The following PKNOX2 variants were observed in gnomAD, a reference collection of about 807,000 sequenced individuals.
PKNOX2 encodes the protein PBX/knotted 1 homeobox 2.
PKNOX2 carries 14 observed loss-of-function variants against 53.1 expected under a neutral mutation model. The ratio of observed to expected loss-of-function variants is 0.26; its 90% confidence interval spans 0.17 to 0.41. The LOEUF (loss-of-function observed/expected upper bound fraction) is 0.41. Among genes scored for constraint, PKNOX2 ranks in the 10% least tolerant of loss-of-function variants. The pLI is 1.00. For synonymous variants in PKNOX2, 257 were observed against 242.8 expected (o/e 1.06, Z -0.54); for missense variants, 496 against 602.8 (o/e 0.82, Z 1.85).
chr11:125,432,993 G>T lies in PKNOX2; in HGVS notation c.*1601G>T, dbSNP rs1162403151. On this transcript the variant is annotated 3_prime_UTR_variant, in exon 13 of 13. Transcript: ENST00000298282. The stretch of plus-strand genomic sequence containing the variant: ...AATGTATTTCTCCCCCAAAAGAGCT[G>T]ATATTTAATGTTTTAATAAGGATTT... 1.3e-5 allele frequency: 2 copies of T among 152,634 alleles called. No individual in the cohort carries two copies. The highest frequency in any genetic ancestry group is 4.8e-5 in the African/African-American group (2 of 41,440). 9.5% of individuals were successfully genotyped at this position (152,634 alleles called of 1,614,324 possible).
chr11:125,172,189 C>T (rs898291987), intron 1 of PKNOX2, among the ~76,000 whole-genome samples: 4 of 152,182 alleles, frequency 2.6e-5, no homozygotes, highest in African/African-American at 9.7e-5. Flanking sequence ...CTCTACCTAT[C>T]CCAGGTGGCC....
chr11:125,384,190 G>T (rs1953456445), intron 5 of PKNOX2, among the ~76,000 whole-genome samples: 1 of 152,190 alleles, frequency 6.6e-6, no homozygotes, highest in Non-Finnish European at 1.5e-5. Flanking sequence ...TACTTTTTGA[G>T]ATCCGCATAC....
Position 125,232,898 on chromosome 11 carries a change from C to T in PKNOX2, c.-200-2147C>T, listed in dbSNP as rs575353712. Among the ~76,000 whole-genome samples the T allele has an allele frequency of 2.7e-5, 4 of 148,658 alleles. No individual in the cohort carries two copies. The East Asian group carries it at 7.9e-4, about 29-fold the overall frequency. ...TTTGTTTTTGTTTTGTTTTGTTTTG[C>T]AATACTTTTTTTAATGTAAGAGTGG... On this transcript the variant is annotated intron_variant, in intron 1 of 12. Coordinates refer to ENST00000298282, the MANE Select transcript of PKNOX2 (RefSeq NM_001382323.2).
intron 1 of PKNOX2, among the ~76,000 whole-genome samples, chr11:125,180,218 A>G (rs1215787615): frequency 6.6e-6 from 1 of 152,106 alleles, no homozygotes; most frequent in African/African-American, 2.4e-5. Context: ...CTCATTTCCC[A>G]TCTAAAATGA....
chr11:125,340,505 G>A (rs537848178), intron 3 of PKNOX2, among the ~76,000 whole-genome samples: 25 of 152,280 alleles, frequency 1.6e-4, no homozygotes, highest in Middle Eastern at 3.4e-3. Flanking sequence ...GCTCACCCAC[G>A]AATGGGAACA....
chr11:125,392,738 T>C (rs976989658), intron 6 of PKNOX2, among the ~76,000 whole-genome samples: 7 of 149,964 alleles, frequency 4.7e-5, no homozygotes, highest in South Asian at 2.1e-4. Flanking sequence ...CTTTTCTCTG[T>C]GTATGTGTGA....
intron 1 of PKNOX2, among the ~76,000 whole-genome samples, chr11:125,170,366 C>A (rs544429592): frequency 6.6e-6 from 1 of 152,280 alleles, no homozygotes; most frequent in South Asian, 2.1e-4. Context: ...TCCTTCTCAG[C>A]CAATCACAGG....
At position 125,343,202 on chromosome 11, in the gene PKNOX2, G is replaced by A. The variant is rs551512585; in HGVS notation, c.-22-8082G>A. 4.6e-5 allele frequency among the ~76,000 whole-genome samples: 7 copies of A among 152,318 alleles called. No individual in the cohort carries two copies. In the South Asian group the frequency reaches 1.2e-3, roughly 27 times the overall value. On this transcript the variant is annotated intron_variant, in intron 3 of 12. Coordinates refer to ENST00000298282, the MANE Select transcript of PKNOX2 (RefSeq NM_001382323.2). Reference sequence around the variant, plus strand: ...TCACTGGCAAAAGCGGGACCCAGGTGTGGTGAGTGTGAGTTTTGGGGACAC... The same window carrying A: ...TCACTGGCAAAAGCGGGACCCAGGTATGGTGAGTGTGAGTTTTGGGGACAC...
Position 125,408,066 on chromosome 11 carries a change from G to C in PKNOX2, c.589-2130G>C, listed in dbSNP as rs114734811. On this transcript the variant is annotated intron_variant, in intron 7 of 12. Transcript: ENST00000298282. ...GCAATGATGATTGGTTGACCTGCAGGATTCAAGGAGCATTTGCAGCCCAGA... is the reference window on the plus strand; with the variant it reads ...GCAATGATGATTGGTTGACCTGCAGCATTCAAGGAGCATTTGCAGCCCAGA... 1.1e-3 allele frequency among the ~76,000 whole-genome samples: 175 copies of C among 152,338 alleles called. 2 individuals carry two copies. The highest frequency in any genetic ancestry group is 3.3e-3 in the African/African-American group (139 of 41,570).
At position 125,305,094 on chromosome 11, in the gene PKNOX2, C is replaced by G. The variant is rs539654791; in HGVS notation, c.-129-26725C>G. Among the ~76,000 whole-genome samples, 94 of 152,328 alleles carry G rather than the reference C, an allele frequency of 6.2e-4. 1 individual carries two copies. Among genetic ancestry groups the G allele is most frequent in the African/African-American group, 2.2e-3 (90 of 41,574 alleles). On this transcript the variant is annotated intron_variant, in intron 2 of 12. Coordinates refer to ENST00000298282, the MANE Select transcript of PKNOX2 (RefSeq NM_001382323.2). ...CTGGCCCAGCGCCACACACTCACCTCGTCTTGAAGATGGACAAGACACCCA... is the reference window on the plus strand; with the variant it reads ...CTGGCCCAGCGCCACACACTCACCTGGTCTTGAAGATGGACAAGACACCCA...
chr11:125,279,106 C>G (rs1485450462), intron 2 of PKNOX2, among the ~76,000 whole-genome samples: 1 of 152,230 alleles, frequency 6.6e-6, no homozygotes, highest in South Asian at 2.1e-4. Flanking sequence ...GATTCCGTCC[C>G]TGTCATCCCT....
intron 1 of PKNOX2, among the ~76,000 whole-genome samples, chr11:125,230,162 T>C (rs1046101764): frequency 4.6e-5 from 7 of 152,120 alleles, no homozygotes; most frequent in African/African-American, 1.7e-4. Context: ...TGAGGACTAG[T>C]GTGGAATTAG....
At chr11:125,230,319 G>A (rs1274969147) in intron 1 of PKNOX2, among the ~76,000 whole-genome samples, 1 of 152,158 alleles carries the variant, frequency 6.6e-6, no homozygotes, top group Non-Finnish European at 1.5e-5. Context: ...GCTGGTCAGG[G>A]GCCACAGTGC....
At chr11:125,206,239 A>G (rs904421165) in intron 1 of PKNOX2, among the ~76,000 whole-genome samples, 3 of 152,034 alleles carry the variant, frequency 2.0e-5, no homozygotes, top group African/African-American at 7.2e-5. Flanking sequence ...CTGTGGGCAC[A>G]CTGGAGAGGG....
intron 1 of PKNOX2, among the ~76,000 whole-genome samples, chr11:125,230,407 A>G (rs898745817): frequency 6.6e-6 from 1 of 152,206 alleles, no homozygotes; most frequent in South Asian, 2.1e-4. Context: ...GGTGGAACAG[A>G]GCAGGGACTC....
intron 2 of PKNOX2, among the ~76,000 whole-genome samples, chr11:125,236,905 A>G (rs1256603400): frequency 2.0e-5 from 3 of 152,334 alleles, no homozygotes; most frequent in African/African-American, 7.2e-5. Flanking sequence ...TTCCAAGTTA[A>G]TTCCAATGGT....
intron 2 of PKNOX2, among the ~76,000 whole-genome samples, chr11:125,258,036 G>A (rs1447873276): frequency 1.3e-5 from 2 of 152,118 alleles, no homozygotes; most frequent in Non-Finnish European, 2.9e-5. Flanking sequence ...GCCTTCCCTG[G>A]GGTTTTAGGA....
At chr11:125,231,285 G>A (rs913499836) in intron 1 of PKNOX2, among the ~76,000 whole-genome samples, 8 of 152,208 alleles carry the variant, frequency 5.3e-5, no homozygotes, top group African/African-American at 1.9e-4. Flanking sequence ...TGAGGATGCA[G>A]AGACAAGTTC....
At chr11:125,211,583 A>T (rs1393931235) in intron 1 of PKNOX2, among the ~76,000 whole-genome samples, 3 of 152,126 alleles carry the variant, frequency 2.0e-5, no homozygotes, top group Non-Finnish European at 4.4e-5. Context: ...TGGGGTGGTC[A>T]GGGAAGGCCT....
Sources: allele counts gnomAD v4.1 joint callset (sites outside exome capture counted in the v4.1 genomes callset), GRCh38; gene constraint gnomAD v4.1.1; transcripts MANE v1.5; gene names NCBI Gene and HGNC (gene_info 2026-07-23, HGNC 2026-07-21).